Variants in INSYN2B observed in about 807,000 individuals in gnomAD.
INSYN2B encodes protein INSYN2B.
In INSYN2B, 16 loss-of-function variants were observed where a neutral mutation model predicts 41.2. The ratio of observed to expected loss-of-function variants is 0.39; its 90% CI spans 0.26 to 0.59. The LOEUF is 0.59. Ranked by LOEUF, INSYN2B falls within the 20% of genes least tolerant of loss-of-function variation. The pLI is 0.57. For missense variants in INSYN2B, 608 were observed against 646.4 expected (o/e 0.94, Z 0.64); for synonymous variants, 245 against 244.4 (o/e 1.00, Z -0.02).
intron 1 of INSYN2B, among the ~76,000 whole-genome samples, chr5:169,902,378 G>T (rs1486794328): frequency 6.6e-6 from 1 of 152,188 alleles, no homozygotes; most frequent in Non-Finnish European, 1.5e-5. Flanking sequence ...GAAAGCTGAG[G>T]CACAAAGAAG....
At chr5:169,915,955 A>G (rs1581411060) in intron 1 of INSYN2B, among the ~76,000 whole-genome samples, 1 of 152,344 alleles carries the variant, frequency 6.6e-6, no homozygotes, top group East Asian at 1.9e-4. Flanking sequence ...GTTATGCTGA[A>G]TTCTGTAAGA....
chr5:169,921,950 G>A (rs199775104), intron 1 of INSYN2B, among the ~76,000 whole-genome samples: 1 of 152,320 alleles, frequency 6.6e-6, no homozygotes, highest in East Asian at 1.9e-4. Flanking sequence ...CTCCAGAGAG[G>A]TTGGAGGAGA....
chr5:169,931,522 G>A (rs1392919634), intron 1 of INSYN2B, among the ~76,000 whole-genome samples: 2 of 152,330 alleles, frequency 1.3e-5, no homozygotes, highest in East Asian at 1.9e-4. Flanking sequence ...GTATCGTTTT[G>A]TGGAAAGTTG....
intron 3 of INSYN2B, among the ~76,000 whole-genome samples, chr5:169,867,407 CTCTGTCTG>C (rs56110833): frequency 1.6e-3 from 239 of 149,192 alleles, no homozygotes; most frequent in African/African-American, 3.6e-3. Flanking sequence ...GTGAAAACCT[CTCTGTCTG>C]TCTGTCTGTC....
chr5:169,917,913 T>C (rs757655086), intron 1 of INSYN2B, among the ~76,000 whole-genome samples: 21 of 152,110 alleles, frequency 1.4e-4, no homozygotes, highest in Non-Finnish European at 7.4e-5. Context: ...TAAAGAATGG[T>C]GTCTCATTTC....
In INSYN2B at chr5:169,883,648, G is replaced by A. The variant is rs571501714; in HGVS notation, c.251C>T (p.Pro84Leu). 4 of 1,551,302 alleles carry A rather than the reference G, an allele frequency of 2.6e-6. No individual in the cohort carries two copies. The highest frequency in any genetic ancestry group is 2.7e-5 in the African/African-American group (2 of 73,146). ...HLPPTYSLSF[P>L]RSQKAGGFRN... is the part of the protein sequence containing the mutation. ...AAAGCCCCCTGCCTTCTGGGACCTG[G>A]GGAAGGAGAGCGAGTAGGTGGGGGG... The change falls in exon 2 of 4, where the codon CCC (proline) becomes CTC (leucine). Residue 84 changes from proline (P) to leucine (L), a missense_variant. By Grantham distance (98) the Pro-to-Leu change is moderately conservative. Transcript: ENST00000377365.
At chr5:169,927,506 T>C (rs1353704524) in intron 1 of INSYN2B, among the ~76,000 whole-genome samples, 1 of 152,208 alleles carries the variant, frequency 6.6e-6, no homozygotes, top group Non-Finnish European at 1.5e-5. Flanking sequence ...ATGTTTCATA[T>C]AATTAATTTG....
At chr5:169,868,335 AATACACACATGC>A (rs1310868300) in intron 3 of INSYN2B, among the ~76,000 whole-genome samples, 1 of 152,272 alleles carries the variant, frequency 6.6e-6, no homozygotes, top group African/African-American at 2.4e-5. Context: ...AAATTATATG[AATACACACATGC>A]ACCAACTGCC....
At chr5:169,933,222 T>C (rs570150596) in intron 1 of INSYN2B, among the ~76,000 whole-genome samples, 1 of 152,170 alleles carries the variant, frequency 6.6e-6, no homozygotes, top group East Asian at 1.9e-4. Flanking sequence ...GGAAATCAGG[T>C]TCTGTTTACT....
At chr5:169,881,764 C>G (rs1772668449) in intron 2 of INSYN2B, among the ~76,000 whole-genome samples, 1 of 152,204 alleles carries the variant, frequency 6.6e-6, no homozygotes, top group African/African-American at 2.4e-5. Context: ...TTTCATTCTG[C>G]ATCATCACAG....
Position 169,884,507 on chromosome 5 carries a change from A to T in INSYN2B, c.-609T>A, listed in dbSNP as rs1772856452. 1 of 152,200 alleles carries T rather than the reference A, an allele frequency of 6.6e-6. No homozygotes were observed. The highest frequency in any genetic ancestry group is 2.1e-4 in the South Asian group (1 of 4,832). The allele number at this position is 152,200 out of a possible 1,614,324, so 9.4% of individuals were successfully genotyped here. On this transcript the variant is annotated 5_prime_UTR_variant, in exon 2 of 4. It removes an upstream start codon present in the reference 5' UTR. Transcript: ENST00000377365. ...ATGATGCTCCCAAGGGAACATTCCCATTTATGTCAATCACAAATTCCTCCT... is the reference window on the plus strand; with the variant it reads ...ATGATGCTCCCAAGGGAACATTCCCTTTTATGTCAATCACAAATTCCTCCT...
rs371180566 is a variant in INSYN2B at position 169,907,399 on chromosome 5, C to G, written c.-918-22583G>C. On this transcript the variant is annotated intron_variant, in intron 1 of 3. Coordinates refer to ENST00000377365, the MANE Select transcript of INSYN2B (RefSeq NM_001129891.3). Reference sequence around the variant, plus strand: ...CCAGTTCTAGTCTAGTTCCTGTTTACTCTCTGCTGGGTTTAAGTGGCTGAT... The same window carrying G: ...CCAGTTCTAGTCTAGTTCCTGTTTAGTCTCTGCTGGGTTTAAGTGGCTGAT... 1.4e-4 allele frequency among the ~76,000 whole-genome samples: 22 copies of G among 152,334 alleles called. No homozygotes were observed. The East Asian group carries it at 2.1e-3, about 15-fold the overall frequency.
chr5:169,978,236 T>C (rs979236616), intron 1 of INSYN2B, among the ~76,000 whole-genome samples: 1 of 152,016 alleles, frequency 6.6e-6, no homozygotes, highest in Non-Finnish European at 1.5e-5. Context: ...CTCCTACTAA[T>C]CTTAGGTGAG....
At chr5:169,904,365 T>A (rs1774150051) in intron 1 of INSYN2B, among the ~76,000 whole-genome samples, 1 of 152,212 alleles carries the variant, frequency 6.6e-6, no homozygotes, top group Admixed American at 6.5e-5. Flanking sequence ...TTGTATTTTT[T>A]AAAGAGCAAC....
chr5:169,972,592 A>ATAGG (rs1219914370), intron 1 of INSYN2B, among the ~76,000 whole-genome samples: 4 of 84,014 alleles, frequency 4.8e-5, no homozygotes, highest in Non-Finnish European at 1.1e-4. Flanking sequence ...TAGATGATAG[A>ATAGG]TAGATAGATA....
intron 1 of INSYN2B, among the ~76,000 whole-genome samples, chr5:169,894,736 G>T (rs949770975): frequency 3.3e-5 from 5 of 152,200 alleles, no homozygotes; most frequent in Admixed American, 3.3e-4. Context: ...CTCAGTAAAT[G>T]GTGACTTCCA....
intron 3 of INSYN2B, among the ~76,000 whole-genome samples, chr5:169,866,306 T>G (rs935078875): frequency 6.6e-6 from 1 of 152,188 alleles, no homozygotes; most frequent in African/African-American, 2.4e-5. Context: ...TAAATTAGAA[T>G]TGTATTGTGG....
chr5:169,920,209 T>C (rs1264901100), intron 1 of INSYN2B, among the ~76,000 whole-genome samples: 1 of 152,168 alleles, frequency 6.6e-6, no homozygotes, highest in East Asian at 1.9e-4. Context: ...ACTCAGCTCC[T>C]CACCACCATG....
At chr5:169,915,794 T>C (rs1581410843) in intron 1 of INSYN2B, among the ~76,000 whole-genome samples, 1 of 152,194 alleles carries the variant, frequency 6.6e-6, no homozygotes, top group African/African-American at 2.4e-5. Context: ...TGGAAATCAA[T>C]GATATCCCAA....
Sources: allele counts gnomAD v4.1 joint callset (sites outside exome capture counted in the v4.1 genomes callset), GRCh38; gene constraint gnomAD v4.1.1; transcripts MANE v1.5; gene names NCBI Gene and HGNC (gene_info 2026-07-23, HGNC 2026-07-21).